Variants in DCLK2 observed in about 807,000 individuals in gnomAD.
DCLK2 encodes serine/threonine-protein kinase DCLK2.
In DCLK2, 31 loss-of-function variants were observed where a neutral mutation model predicts 78.4. The observed-to-expected ratio is 0.40, with a 90% CI of 0.30 to 0.53. The LOEUF is 0.53. DCLK2 is among the 20% of genes least tolerant of loss of function. The pLI, the probability that DCLK2 is intolerant of heterozygous loss-of-function variation, is 0.61. For synonymous variants in DCLK2, 407 were observed against 374.9 expected (o/e 1.09, Z -0.99); for missense variants, 872 against 973.7 (o/e 0.90, Z 1.39).
intron 3 of DCLK2, among the ~76,000 whole-genome samples, chr4:150,194,055 ACACACACACACACACACG>A (rs778722657): frequency 8.0e-6 from 1 of 125,334 alleles, no homozygotes; most frequent in Non-Finnish European, 1.9e-5. Context: ...ACACACACAC[ACACACACACACACACACG>A]TATACTTACT....
chr4:150,174,589 C>T (rs1375906069), intron 2 of DCLK2, among the ~76,000 whole-genome samples: 4 of 151,632 alleles, frequency 2.6e-5, no homozygotes, highest in African/African-American at 7.3e-5. Flanking sequence ...TTTAGGAGGC[C>T]GAGGCAGGCG....
intron 1 of DCLK2, 58 bp downstream of exon 1, chr4:150,079,506 C>A (rs1211633915): frequency 4.2e-6 from 6 of 1,416,982 alleles, no homozygotes; most frequent in South Asian, 3.1e-5. Context: ...GTGCAGTGGG[C>A]GTGAGCCGGC....
At chr4:150,194,858 A>G (rs368306302) in intron 3 of DCLK2, among the ~76,000 whole-genome samples, 1 of 151,944 alleles carries the variant, frequency 6.6e-6, no homozygotes, top group African/African-American at 2.4e-5. Flanking sequence ...TTGAGAGGAT[A>G]CATTCTGTGG....
intron 8 of DCLK2, among the ~76,000 whole-genome samples, chr4:150,225,170 A>C (rs1654846003): frequency 6.6e-6 from 1 of 152,220 alleles, no homozygotes. Context: ...TATTTTCATT[A>C]TCCTGGTCAG....
At chr4:150,160,304 C>A (rs1735614865) in intron 2 of DCLK2, among the ~76,000 whole-genome samples, 1 of 152,136 alleles carries the variant, frequency 6.6e-6, no homozygotes, top group Non-Finnish European at 1.5e-5. Flanking sequence ...AAGTGTGAGC[C>A]ACCATGCCCG....
At chr4:150,124,019 CA>C (rs566813464) in intron 2 of DCLK2, among the ~76,000 whole-genome samples, 67 of 142,814 alleles carry the variant, frequency 4.7e-4, no homozygotes, top group Non-Finnish European at 5.1e-4. Context: ...CAGCCTGTCT[CA>C]AAAAAAAAAA....
chr4:150,109,972 A>G (rs1247616742), intron 2 of DCLK2, among the ~76,000 whole-genome samples: 2 of 152,218 alleles, frequency 1.3e-5, no homozygotes, highest in Admixed American at 6.5e-5. Flanking sequence ...TGAAGAAAGA[A>G]GGAAATGTTT....
In DCLK2 at chr4:150,080,385, C is replaced by T. The variant is rs528263400; in HGVS notation, c.421+937C>T. 4.3e-4 allele frequency among the ~76,000 whole-genome samples: 66 copies of T among 152,296 alleles called. No homozygotes were observed. In the South Asian group the frequency reaches 0.013, roughly 30 times the overall value. On this transcript the variant is annotated intron_variant, in intron 1 of 15. Transcript: ENST00000296550. ...TTGAATTCCTGCAATACGTATGCCT[C>T]ATCCTTTTCAGGTAGAAAAGGCATT... is the stretch of plus-strand genomic sequence containing the variant.
rs553682810 is a variant in DCLK2, at chr4:150,217,514, C to T, written c.1057-3189C>T. 5.3e-5 allele frequency among the ~76,000 whole-genome samples: 8 copies of T among 152,288 alleles called. 1 individual carries two copies. In the South Asian group the frequency reaches 1.2e-3, roughly 24 times the overall value. The stretch of plus-strand genomic sequence containing the variant: ...ACGGCTCTTCAGAGTCATTTGTAAC[C>T]GTCAGCACCTATCCTGAAATGCAGA... On this transcript the variant is annotated intron_variant, in intron 5 of 15. Transcript: ENST00000296550.
At chr4:150,225,911 A>G (rs933260866) in intron 8 of DCLK2, among the ~76,000 whole-genome samples, 1 of 152,208 alleles carries the variant, frequency 6.6e-6, no homozygotes, top group Non-Finnish European at 1.5e-5. Context: ...ATCGACACCT[A>G]GAACATAAGA....
chr4:150,224,725 A>G (rs1037395948), intron 8 of DCLK2, among the ~76,000 whole-genome samples, 167 bp downstream of exon 8: 1 of 152,228 alleles, frequency 6.6e-6, no homozygotes, highest in African/African-American at 2.4e-5. Flanking sequence ...GCTATTTTTC[A>G]GAAACTTTAA....
intron 15 of DCLK2, among the ~76,000 whole-genome samples, chr4:150,252,134 G>A (rs974049730): frequency 6.6e-6 from 1 of 152,214 alleles, no homozygotes; most frequent in African/African-American, 2.4e-5. Flanking sequence ...TAGACACTTT[G>A]AAAAGAACCA....
intron 15 of DCLK2, among the ~76,000 whole-genome samples, 194 bp from the exon 16 acceptor site, chr4:150,255,819 AGCAGAGG>A (rs1448714147): frequency 6.6e-6 from 1 of 152,108 alleles, no homozygotes; most frequent in Non-Finnish European, 1.5e-5. Flanking sequence ...TCAGGGTAGG[AGCAGAGG>A]CCAAGGACAG....
chr4:150,247,481 A>T (rs1032923580), intron 12 of DCLK2, 122 bp from the exon 13 acceptor site: 80 of 678,782 alleles, frequency 1.2e-4, no homozygotes, highest in Non-Finnish European at 1.3e-5. Flanking sequence ...CATAATTGAG[A>T]TACGGAATGC....
At chr4:150,182,598 C>T (rs1287567907) in intron 2 of DCLK2, among the ~76,000 whole-genome samples, 8 of 152,106 alleles carry the variant, frequency 5.3e-5, no homozygotes, top group Admixed American at 3.9e-4. Context: ...ATGTTCTTTA[C>T]ATCTTTAAAA....
chr4:150,097,834 T>G (rs1032402390), intron 1 of DCLK2, among the ~76,000 whole-genome samples: 2 of 152,152 alleles, frequency 1.3e-5, no homozygotes, highest in African/African-American at 4.8e-5. Flanking sequence ...ATTTGCAAAA[T>G]GATTTCCCCT....
chr4:150,235,566 C>T (rs1742436676), intron 10 of DCLK2, among the ~76,000 whole-genome samples: 1 of 152,074 alleles, frequency 6.6e-6, no homozygotes, highest in Non-Finnish European at 1.5e-5. Context: ...TAAAACTGAC[C>T]TCTGGAAGAG....
intron 2 of DCLK2, among the ~76,000 whole-genome samples, chr4:150,143,792 C>G (rs1734265763): frequency 6.6e-6 from 1 of 152,026 alleles, no homozygotes; most frequent in African/African-American, 2.4e-5. Context: ...ATTTGCATTT[C>G]TCTGACTAGT....
rs200087378 is a variant in DCLK2, at chr4:150,249,548, G to C, written c.1957-20G>C. The C allele has an allele frequency of 1.9e-5, 30 of 1,601,702 alleles. No individual in the cohort carries two copies. The highest frequency in any genetic ancestry group is 1.8e-4 in the East Asian group (8 of 44,786). ...GGAGGATGGAAAAAGCATTGTATTT[G>C]ATTGTTTTCTTTCCTGTAGGATGAT... On this transcript the variant is annotated intron_variant, in intron 14 of 15. Coordinates refer to ENST00000296550, the MANE Select transcript of DCLK2 (RefSeq NM_001040260.4).
Sources: allele counts gnomAD v4.1 joint callset (sites outside exome capture counted in the v4.1 genomes callset), GRCh38; gene constraint gnomAD v4.1.1; transcripts MANE v1.5; gene names NCBI Gene and HGNC (gene_info 2026-07-23, HGNC 2026-07-21).